CLEC16A: variants seen among roughly 807,000 people sequenced by gnomAD.
CLEC16A encodes the protein protein CLEC16A.
In CLEC16A, 51 loss-of-function variants were observed where a neutral mutation model predicts 109.5. That is an observed-to-expected ratio of 0.47 (90% CI 0.37 to 0.59). The LOEUF (loss-of-function observed/expected upper bound fraction) is 0.59, where lower values mean the gene tolerates loss of function less well. Ranked by LOEUF, CLEC16A falls within the 20% of genes least tolerant of loss-of-function variation. CLEC16A has a pLI of 0.00. For missense variants in CLEC16A, 1,339 were observed against 1,394.0 expected (o/e 0.96, Z 0.63); for synonymous variants, 673 against 564.2 (o/e 1.19, Z -2.73).
intron 19 of CLEC16A, among the ~76,000 whole-genome samples, chr16:11,106,506 G>A (rs1041346908): frequency 5.4e-5 from 8 of 148,338 alleles, no homozygotes; most frequent in African/African-American, 2.0e-4. Flanking sequence ...TTTCCCAGGC[G>A]AGAATAGCTC....
At chr16:11,102,099 C>T (rs1025290130) in intron 19 of CLEC16A, among the ~76,000 whole-genome samples, 4 of 151,900 alleles carry the variant, frequency 2.6e-5, no homozygotes, top group South Asian at 2.1e-4. Flanking sequence ...AGGTGTGAGC[C>T]ACCGCACCTA....
intron 18 of CLEC16A, among the ~76,000 whole-genome samples, chr16:11,059,971 C>T (rs1173720672): frequency 6.6e-6 from 1 of 152,184 alleles, no homozygotes; most frequent in East Asian, 1.9e-4. Flanking sequence ...GGGAGAGAGG[C>T]CTGCAGGTGG....
At chr16:11,142,379 G>A (rs544441754) in intron 22 of CLEC16A, among the ~76,000 whole-genome samples, 1 of 152,248 alleles carries the variant, frequency 6.6e-6, no homozygotes, top group Non-Finnish European at 1.5e-5. Flanking sequence ...ACGCCTGTCA[G>A]AGCGCTGTGA....
At chr16:11,101,732 C>A (rs1040595391) in intron 19 of CLEC16A, among the ~76,000 whole-genome samples, 1 of 152,184 alleles carries the variant, frequency 6.6e-6, no homozygotes, top group East Asian at 1.9e-4. Context: ...ATGAATGGAG[C>A]TCCCTTTTTT....
At chr16:10,973,866 G>A (rs1019351661) in intron 7 of CLEC16A, among the ~76,000 whole-genome samples, 6 of 138,866 alleles carry the variant, frequency 4.3e-5, no homozygotes, top group Non-Finnish European at 6.1e-5. Flanking sequence ...CCATACATCC[G>A]GCCAAGTAAG....
chr16:11,098,106 G>A (rs1268163295), intron 19 of CLEC16A, among the ~76,000 whole-genome samples: 2 of 152,206 alleles, frequency 1.3e-5, no homozygotes, highest in Non-Finnish European at 2.9e-5. Context: ...TCTGTTTTCA[G>A]TGATCCCAGG....
At chr16:10,996,786 A>C (rs9746561) in intron 10 of CLEC16A, among the ~76,000 whole-genome samples, 1 of 151,746 alleles carries the variant, frequency 6.6e-6, no homozygotes, top group African/African-American at 2.4e-5. Flanking sequence ...AGAGGCGTGG[A>C]CTGTGGGCTC....
Position 11,042,836 on chromosome 16 carries a change from C to T in CLEC16A, c.1770+473C>T, listed in dbSNP as rs535691639. On this transcript the variant is annotated intron_variant, in intron 15 of 23. Transcript: ENST00000409790. ...GTAACAACTATAGTTGACATTTTGT[C>T]TGTGTCTGTGCACACACACACACAT... 3.3e-4 allele frequency among the ~76,000 whole-genome samples: 50 copies of T among 150,936 alleles called. 1 individual carries two copies. Among genetic ancestry groups the T allele is most frequent in the Non-Finnish European group, 3.8e-4 (26 of 67,804 alleles).
intron 19 of CLEC16A, chr16:11,070,443 G>T (rs1221021527): frequency 6.6e-6 from 1 of 151,130 alleles, no homozygotes; most frequent in African/African-American, 2.4e-5. Flanking sequence ...CTGTGCTCAA[G>T]CATTCCTCTT....
chr16:11,003,050 G>T, intron 10 of CLEC16A, 24 bp from the exon 11 acceptor site: 3 of 1,578,986 alleles, frequency 1.9e-6, no homozygotes, highest in South Asian at 2.3e-5. Flanking sequence ...AAATTCACCT[G>T]TTGCCTTCGT....
Position 10,944,576 on chromosome 16 carries a change from T to G in CLEC16A, c.-142T>G. 1.3e-6 allele frequency: 1 copy of G among 792,524 alleles called. No individual in the cohort carries two copies. Among genetic ancestry groups the G allele is most frequent in the Non-Finnish European group, 2.0e-6 (1 of 499,338 alleles). 49.1% of individuals were successfully genotyped at this position (792,524 alleles called of 1,614,324 possible). On this transcript the variant is annotated 5_prime_UTR_variant, in exon 1 of 24. Transcript: ENST00000409790. ...CCGGCTGAATGTCAGTGCTGGGCTG[T>G]GGGCCGGGGAGGAAGGCGGCTCGCG...
chr16:11,097,362 A>T (rs16958051), intron 19 of CLEC16A, among the ~76,000 whole-genome samples: 22,779 of 152,106 alleles, frequency 0.15, 1,834 homozygotes, highest in African/African-American at 0.22. Flanking sequence ...CTCGCCCTTG[A>T]CAGGTTTCTT....
intron 18 of CLEC16A, among the ~76,000 whole-genome samples, chr16:11,052,850 C>A (rs2048021917): frequency 6.6e-6 from 1 of 152,068 alleles, no homozygotes; most frequent in South Asian, 2.1e-4. Context: ...GGACTGAACG[C>A]TGAGCACTGC....
At chr16:11,008,978 A>G (rs886901710) in intron 11 of CLEC16A, among the ~76,000 whole-genome samples, 1 of 152,178 alleles carries the variant, frequency 6.6e-6, no homozygotes, top group Non-Finnish European at 1.5e-5. Context: ...CAGCCTGGGC[A>G]GCAGAGCGAG....
intron 13 of CLEC16A, among the ~76,000 whole-genome samples, chr16:11,035,403 G>C (rs35559153): frequency 2.0e-5 from 3 of 152,124 alleles, no homozygotes; most frequent in African/African-American, 7.2e-5. Context: ...TGTATGGACT[G>C]TTGTGTTTGT....
chr16:11,119,971 T>G (rs1240544237), intron 19 of CLEC16A, among the ~76,000 whole-genome samples: 4 of 151,626 alleles, frequency 2.6e-5, no homozygotes, highest in East Asian at 1.9e-4. Flanking sequence ...GTTGTGTTGT[T>G]TTGTTTTGTT....
In CLEC16A at chr16:11,174,181, G is replaced by T. The variant is rs1369105962; in HGVS notation, c.2807-4154G>T. The stretch of plus-strand genomic sequence containing the variant: ...AGGAGTGGCAGGAAAGGACGCCGAC[G>T]AGTGTTCAGCCTGTCGGAGGCCGAC... On this transcript the variant is annotated intron_variant, in intron 23 of 23. Coordinates refer to ENST00000409790, the MANE Select transcript of CLEC16A (RefSeq NM_015226.3). This position sits in a 1 kb window ranked among gnomAD's most constrained non-coding sequence, Gnocchi z 4.7. 2 of 469,856 alleles carry T rather than the reference G, an allele frequency of 4.3e-6. No homozygotes were observed. Among genetic ancestry groups the T allele is most frequent in the African/African-American group, 4.0e-5 (2 of 50,080 alleles). The allele number at this position is 469,856 out of a possible 1,614,324, so 29.1% of individuals were successfully genotyped here.
chr16:11,061,084 C>G, intron 19 of CLEC16A, 62 bp downstream of exon 19: 1 of 1,501,418 alleles, frequency 6.7e-7, no homozygotes, highest in Admixed American at 2.0e-5. Context: ...GGACACCACT[C>G]TGCTGATTCA....
chr16:10,979,660 C>CA (rs1359005291), intron 9 of CLEC16A, among the ~76,000 whole-genome samples: 1 of 152,102 alleles, frequency 6.6e-6, no homozygotes, highest in Non-Finnish European at 1.5e-5. Context: ...CTGAGGTTTC[C>CA]AAAACAACTG....
Sources: gnomAD v4.1 joint callset for allele counts (sites outside exome capture counted in the v4.1 genomes callset) on GRCh38, gnomAD v4.1.1 for gene constraint, Gnocchi (gnomAD v3.1) non-coding constraint, MANE v1.5 for transcripts, NCBI Gene and HGNC (gene_info 2026-07-23, HGNC 2026-07-21) for gene names.